Variants in ROCK1 observed in about 807,000 individuals in gnomAD.
ROCK1 encodes the protein Rho associated coiled-coil containing protein kinase 1.
In ROCK1, 36 loss-of-function variants were observed where a neutral mutation model predicts 196.8. The ratio of observed to expected loss-of-function variants is 0.18; its 90% CI spans 0.14 to 0.24. The LOEUF (loss-of-function observed/expected upper bound fraction) is 0.24, where lower values mean the gene tolerates loss of function less well. ROCK1 is among the 10% of genes least tolerant of loss of function. The probability of loss-of-function intolerance (pLI) is 1.00; values close to 1 mark genes in which losing one functional copy is unlikely to be tolerated. For synonymous variants in ROCK1, 443 were observed against 515.9 expected, an observed-to-expected ratio of 0.86 and a Z score of 1.91; for missense variants, 920 against 1,562.0, an observed-to-expected ratio of 0.59 and a Z score of 6.93.
intron 16 of ROCK1, among the ~76,000 whole-genome samples, chr18:20,994,334 A>G (rs1432440240): frequency 6.6e-6 from 1 of 152,186 alleles, no homozygotes; most frequent in Non-Finnish European, 1.5e-5. Flanking sequence ...AATAAATGAT[A>G]TAATTATCTT....
chr18:20,964,010 A>G (rs1249176932), intron 27 of ROCK1, among the ~76,000 whole-genome samples: 2 of 152,170 alleles, frequency 1.3e-5, no homozygotes, highest in Non-Finnish European at 2.9e-5. Context: ...AATGGCCACT[A>G]AGGATTCATA....
chr18:21,036,998 G>A (rs945922622), intron 9 of ROCK1, among the ~76,000 whole-genome samples: 46 of 152,042 alleles, frequency 3.0e-4, no homozygotes, highest in African/African-American at 7.2e-4. Context: ...AACAGGTAAC[G>A]ATCTTTAAAT....
rs1568367275 is a variant in ROCK1, at chr18:20,959,048, ATATATATATTATATTTTATATTAT to A, written c.3512+768_3512+791del. On this transcript the variant is annotated intron_variant, in intron 29 of 32. Coordinates refer to ENST00000399799, the MANE Select transcript of ROCK1 (RefSeq NM_005406.3). ...ATATATATATTTTATATAATATATA[ATATATATATTATATTTTATATTAT>A]ATAATATATATATTTTATATAATAT... Among the ~76,000 whole-genome samples, 57 of 48,826 alleles carry A rather than the reference ATATATATATTATATTTTATATTAT, an allele frequency of 1.2e-3. 6 individuals are homozygous for A. The highest frequency in any genetic ancestry group is 7.6e-3 in the African/African-American group (50 of 6,600). The allele number at this position is 48,826 out of a possible 152,430, so 32.0% of individuals were successfully genotyped here.
In ROCK1 at chr18:21,111,483, C is replaced by T. The variant is rs1444816221; in HGVS notation, c.-573G>A. 2 of 233,912 alleles carry T rather than the reference C, an allele frequency of 8.6e-6. No homozygotes were observed. Among genetic ancestry groups the T allele is most frequent in the Admixed American group, 1.1e-4 (2 of 17,940 alleles). The allele number at this position is 233,912 out of a possible 1,614,324, so 14.5% of individuals were successfully genotyped here. ...GGCCCGGCCCGACGCACCGATCAGT[C>T]TCGGCCACGAGCTGGTCCACGCAGG... On this transcript the variant is annotated 5_prime_UTR_variant, in exon 1 of 33. Coordinates refer to ENST00000399799, the MANE Select transcript of ROCK1 (RefSeq NM_005406.3). This position sits in a 1 kb window ranked among gnomAD's most constrained non-coding sequence, Gnocchi z 4.2.
chr18:21,103,515 G>A (rs565284462), intron 1 of ROCK1, among the ~76,000 whole-genome samples: 3 of 151,152 alleles, frequency 2.0e-5, no homozygotes, highest in African/African-American at 7.3e-5. Flanking sequence ...CTAGAGTGCC[G>A]TGGCACCAAC....
At chr18:21,080,320 T>A (rs561073293) in intron 1 of ROCK1, among the ~76,000 whole-genome samples, 1 of 151,938 alleles carries the variant, frequency 6.6e-6, no homozygotes, top group Non-Finnish European at 1.5e-5. Flanking sequence ...AGCCCAGACA[T>A]TGGACTTGAT....
chr18:21,039,635 T>C, intron 8 of ROCK1, 72 bp from the exon 9 acceptor site: 1 of 1,054,832 alleles, frequency 9.5e-7, no homozygotes, highest in Non-Finnish European at 1.5e-6. Flanking sequence ...GGTTTATTTG[T>C]GGGCAGGATA....
At chr18:21,017,117 C>T (rs1377177624) in intron 12 of ROCK1, among the ~76,000 whole-genome samples, 1 of 151,734 alleles carries the variant, frequency 6.6e-6, no homozygotes. Flanking sequence ...ACAGTACAGG[C>T]ATCTCCTGAT....
rs1210833293 is a variant in ROCK1, at chr18:21,061,095, T to C, written c.175+9437A>G. Reference sequence around the variant, plus strand: ...AAATGCTTTTATTTTTTTTTTTTTTTCAAGGCAGAGTCTTGCTCTGTCACC... The same window carrying C: ...AAATGCTTTTATTTTTTTTTTTTTTCCAAGGCAGAGTCTTGCTCTGTCACC... On this transcript the variant is annotated intron_variant, in intron 2 of 32. Coordinates refer to ENST00000399799, the MANE Select transcript of ROCK1 (RefSeq NM_005406.3). 5.3e-5 allele frequency among the ~76,000 whole-genome samples: 8 copies of C among 151,618 alleles called. No homozygotes were observed. The East Asian group carries it at 9.7e-4, about 18-fold the overall frequency.
In ROCK1 at chr18:20,949,794, T is replaced by C. The variant is rs988304727; in HGVS notation, c.*1590A>G. 2.0e-5 allele frequency: 3 copies of C among 152,660 alleles called. No homozygotes were observed. The highest frequency in any genetic ancestry group is 4.4e-5 in the Non-Finnish European group (3 of 68,036). 9.5% of individuals were successfully genotyped at this position (152,660 alleles called of 1,614,324 possible). ...AACCATGGAATTTCACAAACATTTATATACAATCAGAGACTAATTTGAAGT... is the reference window on the plus strand; with the variant it reads ...AACCATGGAATTTCACAAACATTTACATACAATCAGAGACTAATTTGAAGT... On this transcript the variant is annotated 3_prime_UTR_variant, in exon 33 of 33. Transcript: ENST00000399799.
At chr18:20,959,453 C>T (rs2035305039) in intron 29 of ROCK1, among the ~76,000 whole-genome samples, 2 of 151,318 alleles carry the variant, frequency 1.3e-5, no homozygotes, top group South Asian at 2.1e-4. Flanking sequence ...CTCAGGTGAT[C>T]CACCTGCCTC....
At chr18:21,076,961 CTTTTTTTTTTTT>C (rs71178160) in intron 1 of ROCK1, among the ~76,000 whole-genome samples, 11 of 65,966 alleles carry the variant, frequency 1.7e-4, no homozygotes, top group South Asian at 1.4e-3. Flanking sequence ...AAAGGACAGT[CTTTTTTTTTTTT>C]TTTTTTTTTT....
At chr18:21,071,472 T>C (rs549382397) in intron 1 of ROCK1, among the ~76,000 whole-genome samples, 1 of 152,288 alleles carries the variant, frequency 6.6e-6, no homozygotes, top group African/African-American at 2.4e-5. Flanking sequence ...CCACCACGCC[T>C]GGCCGAACTT....
At chr18:20,972,354 T>C in intron 22 of ROCK1, among the ~76,000 whole-genome samples, 1 of 152,124 alleles carries the variant, frequency 6.6e-6, no homozygotes, top group East Asian at 1.9e-4. Context: ...TCAGGAAGTT[T>C]TTCTGGACAC....
intron 27 of ROCK1, among the ~76,000 whole-genome samples, chr18:20,965,814 A>G (rs2035369025): frequency 6.6e-6 from 1 of 152,152 alleles, no homozygotes; most frequent in Non-Finnish European, 1.5e-5. Context: ...CTGCCTTTCC[A>G]TTCCCAGATA....
intron 11 of ROCK1, among the ~76,000 whole-genome samples, chr18:21,020,683 A>G (rs1462666973): frequency 6.6e-6 from 1 of 152,254 alleles, no homozygotes; most frequent in Non-Finnish European, 1.5e-5. Context: ...AGAAGAACTG[A>G]TAATCTGATA....
intron 18 of ROCK1, among the ~76,000 whole-genome samples, chr18:20,987,705 T>A (rs930952925): frequency 2.0e-5 from 3 of 152,184 alleles, no homozygotes; most frequent in African/African-American, 7.2e-5. Context: ...CCCATAAGGA[T>A]TCAAGTTTAT....
intron 23 of ROCK1, 62 bp downstream of exon 23, chr18:20,970,286 T>C (rs2143361889): frequency 7.7e-7 from 1 of 1,306,678 alleles, no homozygotes; most frequent in Non-Finnish European, 1.1e-6. Flanking sequence ...CCTAATATTT[T>C]AAGATGTGAC....
intron 10 of ROCK1, among the ~76,000 whole-genome samples, chr18:21,028,232 A>G (rs948133977): frequency 1.3e-5 from 2 of 151,016 alleles, no homozygotes; most frequent in Non-Finnish European, 3.0e-5. Context: ...CCTGGCCAAC[A>G]TGGTGAAACC....
Sources: allele counts gnomAD v4.1 joint callset (sites outside exome capture counted in the v4.1 genomes callset), GRCh38; gene constraint gnomAD v4.1.1; non-coding constraint Gnocchi (gnomAD v3.1); transcripts MANE v1.5; gene names NCBI Gene and HGNC (gene_info 2026-07-23, HGNC 2026-07-21).